EXOC6B: variants seen among roughly 807,000 people sequenced by gnomAD.
EXOC6B encodes exocyst complex component 6B.
Under a neutral mutation model 113.5 loss-of-function variants are expected in EXOC6B, and 54 were observed. The ratio of observed to expected loss-of-function variants is 0.48; its 90% CI spans 0.38 to 0.60. The LOEUF is 0.60. Among genes scored for constraint, EXOC6B ranks in the 20% least tolerant of loss-of-function variants. The pLI is 0.00. For synonymous variants in EXOC6B, 357 were observed against 339.0 expected, an observed-to-expected ratio of 1.05 and a Z score of -0.58; for missense variants, 797 against 977.5, an observed-to-expected ratio of 0.82 and a Z score of 2.46.
intron 6 of EXOC6B, among the ~76,000 whole-genome samples, chr2:72,590,751 T>C (rs144296241): frequency 2.6e-5 from 4 of 152,192 alleles, no homozygotes; most frequent in Non-Finnish European, 5.9e-5. Flanking sequence ...ATCAGTATCA[T>C]TACAGGGAGA....
At position 72,280,677 on chromosome 2, in the gene EXOC6B, A is replaced by T. The variant is rs188343294; in HGVS notation, c.2196+54270T>A. Among the ~76,000 whole-genome samples, 64 of 152,288 alleles carry T rather than the reference A, an allele frequency of 4.2e-4. 2 individuals are homozygous for T. Among genetic ancestry groups the T allele is most frequent in the Middle Eastern group, 3.4e-3 (1 of 294 alleles). On this transcript the variant is annotated intron_variant, in intron 20 of 21. Transcript: ENST00000272427. Reference sequence around the variant, plus strand: ...AAACCAGAGACAAACATTTTAAAAAATAAAAAGGCTGCTTGGAAGCATCAG... The same window carrying T: ...AAACCAGAGACAAACATTTTAAAAATTAAAAAGGCTGCTTGGAAGCATCAG...
chr2:72,551,973 G>A (rs1465978426), intron 8 of EXOC6B, among the ~76,000 whole-genome samples: 2 of 85,818 alleles, frequency 2.3e-5, no homozygotes, highest in East Asian at 9.0e-4. Context: ...ATGAAGAAGA[G>A]AAATTCAGTA....
chr2:72,795,309 G>T (rs1489293826), intron 1 of EXOC6B, among the ~76,000 whole-genome samples: 1 of 152,162 alleles, frequency 6.6e-6, no homozygotes, highest in Non-Finnish European at 1.5e-5. Flanking sequence ...TTGGATTCCA[G>T]TTCCCCCAAA....
Position 72,305,322 on chromosome 2 carries a change from G to GTGTATATGTATATGTATATGTATA in EXOC6B, c.2196+29601_2196+29624dup, listed in dbSNP as rs3036342. Reference sequence around the variant, plus strand: ...AATTAAGTTGAAGAAATATGGGTGTGTGTATATGTATATGTATATGTATAT... The same window carrying GTGTATATGTATATGTATATGTATA: ...AATTAAGTTGAAGAAATATGGGTGTGTGTATATGTATATGTATATGTATATGTATATGTATATGTATATGTATAT... On this transcript the variant is annotated intron_variant, in intron 20 of 21. Transcript: ENST00000272427. Among the ~76,000 whole-genome samples, 1,104 of 144,610 alleles carry GTGTATATGTATATGTATATGTATA rather than the reference G, an allele frequency of 7.6e-3. 11 individuals carry two copies. Among genetic ancestry groups the GTGTATATGTATATGTATATGTATA allele is most frequent in the East Asian group, 0.013 (63 of 4,740 alleles). The allele number at this position is 144,610 out of a possible 152,430, so 94.9% of individuals were successfully genotyped here. A position where few individuals can be genotyped will look rare whatever the true frequency, so the allele number is the denominator to read the frequency against.
intron 19 of EXOC6B, among the ~76,000 whole-genome samples, chr2:72,370,631 G>C (rs909025265): frequency 8.5e-5 from 13 of 152,140 alleles, no homozygotes; most frequent in South Asian, 4.1e-4. Context: ...GACAATGATA[G>C]GCTGGATCAA....
intron 18 of EXOC6B, among the ~76,000 whole-genome samples, chr2:72,454,377 G>A (rs969983123): frequency 2.0e-5 from 3 of 152,038 alleles, no homozygotes; most frequent in Non-Finnish European, 2.9e-5. Flanking sequence ...GGCAGCACAC[G>A]CCTGTAATCC....
At chr2:72,504,999 T>C (rs1220490937) in intron 11 of EXOC6B, among the ~76,000 whole-genome samples, 1 of 152,172 alleles carries the variant, frequency 6.6e-6, no homozygotes, top group Admixed American at 6.5e-5. Flanking sequence ...TATTCCAAAT[T>C]AGTTCGTGCT....
intron 6 of EXOC6B, among the ~76,000 whole-genome samples, chr2:72,708,227 A>T (rs999317284): frequency 6.6e-6 from 1 of 152,212 alleles, no homozygotes; most frequent in Non-Finnish European, 1.5e-5. Context: ...AACAATAGAT[A>T]GGGAAAGGAC....
Position 72,492,322 on chromosome 2 carries a change from G to T in EXOC6B, c.1661C>A (p.Thr554Asn). The T allele has an allele frequency of 6.2e-7, 1 of 1,607,172 alleles. No homozygotes were observed. The highest frequency in any genetic ancestry group is 8.5e-7 in the Non-Finnish European group (1 of 1,174,132). ...CTTCATTAGGAGCAGGTTTACCTCAGTAAGCCCAATATTCTTCCTTTTAAT... is the reference window on the plus strand; with the variant it reads ...CTTCATTAGGAGCAGGTTTACCTCATTAAGCCCAATATTCTTCCTTTTAAT... ...NVIKRKNIGL[T>N]ELVQIIINTT... Residue 554 changes from threonine (T) to asparagine (N), a missense_variant, in exon 16 of 22, where the codon ACT becomes AAT. By Grantham distance (65) the Thr-to-Asn change is moderately conservative. Coordinates refer to ENST00000272427, the MANE Select transcript of EXOC6B (RefSeq NM_015189.3).
intron 19 of EXOC6B, among the ~76,000 whole-genome samples, chr2:72,362,017 T>C (rs1690345626): frequency 6.6e-6 from 1 of 152,198 alleles, no homozygotes; most frequent in Non-Finnish European, 1.5e-5. Flanking sequence ...ATCCTGTGTT[T>C]AGGCAAAATC....
chr2:72,459,305 T>C (rs1274210627), intron 18 of EXOC6B, among the ~76,000 whole-genome samples: 1 of 152,202 alleles, frequency 6.6e-6, no homozygotes, highest in Non-Finnish European at 1.5e-5. Context: ...AAGACAGGGA[T>C]GCCCTCTCTC....
intron 19 of EXOC6B, among the ~76,000 whole-genome samples, chr2:72,352,216 A>C (rs1356353190): frequency 2.0e-5 from 3 of 152,126 alleles, no homozygotes; most frequent in Non-Finnish European, 4.4e-5. Flanking sequence ...GCCTCAATTC[A>C]CCCATCCAAA....
At chr2:72,714,704 G>A (rs565389294) in intron 6 of EXOC6B, among the ~76,000 whole-genome samples, 2 of 152,260 alleles carry the variant, frequency 1.3e-5, no homozygotes, top group South Asian at 4.1e-4. Context: ...TCAGATTCAA[G>A]CATGATCTTA....
At chr2:72,526,510 A>G (rs1354464138) in intron 8 of EXOC6B, among the ~76,000 whole-genome samples, 1 of 151,980 alleles carries the variant, frequency 6.6e-6, no homozygotes, top group Admixed American at 6.6e-5. Context: ...TTCTCCCAGC[A>G]TCTCAAAATC....
intron 19 of EXOC6B, among the ~76,000 whole-genome samples, chr2:72,375,324 T>G (rs993325850): frequency 6.6e-6 from 1 of 152,178 alleles, no homozygotes; most frequent in African/African-American, 2.4e-5. Flanking sequence ...CCATGTGATG[T>G]CTATAGGCTA....
intron 18 of EXOC6B, among the ~76,000 whole-genome samples, chr2:72,428,073 C>T (rs1453678728): frequency 2.6e-5 from 4 of 152,180 alleles, no homozygotes; most frequent in Non-Finnish European, 4.4e-5. Flanking sequence ...AGCTGTACCC[C>T]GTAGATCTCC....
chr2:72,719,320 G>A (rs1372516113), intron 5 of EXOC6B, among the ~76,000 whole-genome samples: 2 of 152,152 alleles, frequency 1.3e-5, no homozygotes, highest in Admixed American at 6.5e-5. Context: ...AGCTCTACTG[G>A]TCAAATGTTA....
At chr2:72,264,718 C>T (rs569868716) in intron 20 of EXOC6B, among the ~76,000 whole-genome samples, 154 of 151,992 alleles carry the variant, frequency 1.0e-3, no homozygotes, top group African/African-American at 3.6e-3. Context: ...GTTTTCCCCA[C>T]GCTGTTCTCA....
At chr2:72,802,437 T>A (rs184018270) in intron 1 of EXOC6B, among the ~76,000 whole-genome samples, 40 of 152,208 alleles carry the variant, frequency 2.6e-4, no homozygotes, top group Non-Finnish European at 5.3e-4. Context: ...TATATCTGTA[T>A]CTATTGTGTA....
Sources: allele counts gnomAD v4.1 joint callset (sites outside exome capture counted in the v4.1 genomes callset), GRCh38; gene constraint gnomAD v4.1.1; transcripts MANE v1.5; gene names NCBI Gene and HGNC (gene_info 2026-07-23, HGNC 2026-07-21).